MYH6: variants seen among roughly 807,000 people sequenced by gnomAD.
MYH6 encodes myosin heavy chain 6.
Under a neutral mutation model 223.2 loss-of-function variants are expected in MYH6, and 126 were observed. That is an observed-to-expected ratio of 0.56 (90% confidence interval 0.49 to 0.65). MYH6 has a LOEUF of 0.65. Ranked by LOEUF, MYH6 falls within the 30% of genes least tolerant of loss-of-function variation. The pLI is 0.00. For missense variants in MYH6, 2,040 were observed against 2,536.4 expected (o/e 0.80, Z 4.20); for synonymous variants, 978 against 1,010.2 (o/e 0.97, Z 0.61).
In MYH6 at chr14:23,389,018, C is replaced by T. The variant is rs766238876; in HGVS notation, c.4016G>A (p.Arg1339Gln). The change falls in exon 29 of 39, where the codon CGG (arginine) becomes CAG (glutamine). Residue 1339 changes from arginine (R) to glutamine (Q), a missense_variant. By Grantham distance (43) the Arg-to-Gln change is conservative. Around this residue, in one of 4 missense-constraint regions of MYH6, gnomAD observed 1,203 missense variants for 1,400.2 expected, o/e 0.86. Coordinates refer to ENST00000405093, the MANE Select transcript of MYH6 (RefSeq NM_002471.4). ...NALAHALQSA[R>Q]HDCDLLREQY... is the part of the protein sequence containing the mutation. ...CTCCCGCAGCAGGTCGCAGTCATGC[C>T]GGGCCGACTGCAGTGCATGGGCCAG... The T allele has an allele frequency of 4.1e-5, 62 of 1,506,516 alleles. No homozygotes were observed. Among genetic ancestry groups the T allele is most frequent in the African/African-American group, 1.9e-4 (14 of 73,906 alleles). The allele number at this position is 1,506,516 out of a possible 1,614,324, so 93.3% of individuals were successfully genotyped here.
At chr14:23,403,846 C>T (rs1054465587) in intron 8 of MYH6, 68 bp from the exon 9 acceptor site, 2 of 1,374,378 alleles carry the variant, frequency 1.5e-6, no homozygotes, top group Admixed American at 1.9e-5. Context: ...GCCCTCTGTT[C>T]AGCCCAGAAG....
intron 20 of MYH6, among the ~76,000 whole-genome samples, chr14:23,394,939 C>T (rs1182753280): frequency 6.6e-6 from 1 of 152,228 alleles, no homozygotes; most frequent in African/African-American, 2.4e-5. Flanking sequence ...AATCTCGGCT[C>T]ACTGCAACCT....
rs1891438869 is a variant in MYH6 at position 23,397,632 on chromosome 14, A to G, written c.1892-19T>C. ...CTGTCCCCTAAACAGCGAGAGGAGA[A>G]ATAATCAACAGGAGCTGGAAAATAA... On this transcript the variant is annotated intron_variant, in intron 15 of 38. Coordinates refer to ENST00000405093, the MANE Select transcript of MYH6 (RefSeq NM_002471.4). 4 of 1,613,224 alleles carry G rather than the reference A, an allele frequency of 2.5e-6. No homozygotes were observed. Among genetic ancestry groups the G allele is most frequent in the Non-Finnish European group, 3.4e-6 (4 of 1,179,194 alleles).
In MYH6 at chr14:23,390,191, C is replaced by G. The variant is rs372794975; in HGVS notation, c.3598G>C (p.Asp1200His). The G allele has an allele frequency of 4.2e-5, 67 of 1,606,244 alleles. No individual in the cohort carries two copies. In the African/African-American group the frequency reaches 8.7e-4, roughly 21 times the overall value. ...TGCTCGCCCAGCTCGGCCACGCTGT[C>G]GGCGTGCTTCTTGCGCAGGGCCGCG... ...TAAALRKKHADSVAELGEQID... is the reference protein window; with the variant it reads ...TAAALRKKHAHSVAELGEQID... The change falls in exon 26 of 39, where the codon GAC becomes CAC. Residue 1200 changes from aspartate (D) to histidine (H), a missense_variant. Transcript: ENST00000405093.
Position 23,388,886 on chromosome 14 carries a change from T to C in MYH6, c.4148A>G (p.Gln1383Arg). 1 of 1,613,812 alleles carries C rather than the reference T, an allele frequency of 6.2e-7. No homozygotes were observed. The highest frequency in any genetic ancestry group is 2.2e-5 in the East Asian group (1 of 44,878). ...WRTKYETDAI[Q>R]RTEELEEAKK... ...GGCCTCTTCGAGCTCCTCAGTCCGC[T>C]GAATGGCGTCCGTCTCATACTTGGT... Residue 1383 changes from glutamine to arginine, a missense_variant, in exon 29 of 39, where the codon CAG becomes CGG. By Grantham distance (43) the Gln-to-Arg change is conservative (BLOSUM62 1). Around this residue, in one of 4 missense-constraint regions of MYH6, gnomAD observed 1,203 missense variants for 1,400.2 expected, o/e 0.86. Coordinates refer to ENST00000405093, the MANE Select transcript of MYH6 (RefSeq NM_002471.4).
In MYH6 at chr14:23,400,846, T is replaced by A; in HGVS notation, c.1273A>T (p.Ile425Phe). 2 of 1,614,148 alleles carry A rather than the reference T, an allele frequency of 1.2e-6. No individual in the cohort carries two copies. Among genetic ancestry groups the A allele is most frequent in the Non-Finnish European group, 1.7e-6 (2 of 1,180,012 alleles). The change falls in exon 13 of 39, where the codon ATC becomes TTC. Residue 425 changes from isoleucine (I) to phenylalanine (F), a missense_variant. Physicochemically the swap from Ile to Phe is conservative, Grantham distance 21. Transcript: ENST00000405093. ...TACACTGCCTTGGCCAGAGCCCCGA[T>A]GGAGTAGTACACCTGCTGCACGCTC... Reference protein sequence around the residue: ...GQSVQQVYYSIGALAKAVYEK... With the variant: ...GQSVQQVYYSFGALAKAVYEK...
At position 23,387,904 on chromosome 14, in the gene MYH6, T is replaced by C; in HGVS notation, c.4379A>G (p.Gln1460Arg). ...NFDKILAEWK[Q>R]KYEESQSELE... ...CTCAGACTGCGACTCCTCATACTTC[T>C]GCTTCCACTCGGCCAGGATCTGCCC... The change falls in exon 31 of 39, where the codon CAG becomes CGG. Residue 1460 changes from glutamine (Q) to arginine (R), a missense_variant. This residue lies in a region of MYH6 where 1,203 missense variants were observed against 1,400.2 expected (regional missense o/e 0.86). Transcript: ENST00000405093. The C allele has an allele frequency of 6.2e-7, 1 of 1,613,952 alleles. No individual in the cohort carries two copies. The highest frequency in any genetic ancestry group is 2.2e-5 in the East Asian group (1 of 44,872).
At position 23,403,763 on chromosome 14, in the gene MYH6, T is replaced by C; in HGVS notation, c.751A>G (p.Ile251Val). The C allele has an allele frequency of 3.7e-6, 6 of 1,612,216 alleles. No individual in the cohort carries two copies. Among genetic ancestry groups the C allele is most frequent in the Non-Finnish European group, 1.7e-6 (2 of 1,179,190 alleles). ...NSSRFGKFIR[I>V]HFGATGKLAS... ...AGCTTTCCAGTGGCCCCAAAGTGGA[T>C]CCTAATGAATTTCCCCTGGGGACGA... Residue 251 changes from isoleucine to valine, a missense_variant, in exon 9 of 39, where the codon ATC becomes GTC. By Grantham distance (29) the Ile-to-Val change is conservative. Transcript: ENST00000405093.
rs372134945 is a variant in MYH6, at chr14:23,398,557, C to T, written c.1891+171G>A. 1.1e-3 allele frequency among the ~76,000 whole-genome samples: 173 copies of T among 152,314 alleles called. 2 individuals carry two copies. Among genetic ancestry groups the T allele is most frequent in the African/African-American group, 3.8e-3 (158 of 41,562 alleles). On this transcript the variant is annotated intron_variant, in intron 15 of 38. Transcript: ENST00000405093. ...AACACTCATAACACAAAGTGGAGAA[C>T]GGCAGGTGCTACAGAAGCCCAGCTG...
intron 25 of MYH6, among the ~76,000 whole-genome samples, chr14:23,391,391 A>T (rs559020240): frequency 6.6e-6 from 1 of 152,340 alleles, no homozygotes; most frequent in African/African-American, 2.4e-5. Flanking sequence ...CAGGACTGTT[A>T]TTCTGTGTCC....
chr14:23,385,132 AT>A (rs60237756), intron 34 of MYH6, 91 bp from the exon 35 acceptor site: 2,423 of 1,415,130 alleles, frequency 1.7e-3, no homozygotes, highest in East Asian at 2.8e-3. Flanking sequence ...AAAGGTGGTC[AT>A]TTTTTTTTTA....
intron 21 of MYH6, 30 bp downstream of exon 21, chr14:23,394,038 A>G (rs574632194): frequency 1.3e-5 from 21 of 1,613,872 alleles, no homozygotes; most frequent in Non-Finnish European, 1.7e-5. Context: ...AGGGGAGGAG[A>G]GGGCTGAAGA....
At chr14:23,399,965 A>G (rs1371625912) in intron 14 of MYH6, 2 of 472,518 alleles carry the variant, frequency 4.2e-6, no homozygotes, top group South Asian at 2.2e-5. Flanking sequence ...CTTTCCATGA[A>G]TGACGCTTCT....
intron 33 of MYH6, 42 bp downstream of exon 33, chr14:23,386,273 A>G (rs937809959): frequency 2.5e-6 from 4 of 1,613,750 alleles, no homozygotes; most frequent in African/African-American, 2.7e-5. Context: ...TCCAGGCCAC[A>G]TGGAGGCCAG....
rs2138615086 is a variant in MYH6, at chr14:23,402,505, T to A, written c.1100A>T (p.Gln367Leu). The A allele has an allele frequency of 2.5e-6, 4 of 1,613,736 alleles. No homozygotes were observed. Among genetic ancestry groups the A allele is most frequent in the Non-Finnish European group, 3.4e-6 (4 of 1,179,956 alleles). The change falls in exon 12 of 39, where the codon CAG (glutamine) becomes CTG (leucine). Residue 367 changes from glutamine to leucine, a missense_variant. Gln to Leu is a moderately radical substitution (Grantham distance 113). Coordinates refer to ENST00000405093, the MANE Select transcript of MYH6 (RefSeq NM_002471.4). Reference protein sequence around the residue: ...IMHYGNMKFKQKQREEQAEPD... With the variant: ...IMHYGNMKFKLKQREEQAEPD... Reference sequence around the variant, plus strand: ...CTCCGCCTGCTCCTCCCGCTGCTTCTGCTTGAACTTCATGTTCCCGTAGTG... The same window carrying A: ...CTCCGCCTGCTCCTCCCGCTGCTTCAGCTTGAACTTCATGTTCCCGTAGTG...
chr14:23,389,263 G>C, intron 28 of MYH6, 130 bp downstream of exon 28: 1 of 1,217,880 alleles, frequency 8.2e-7, no homozygotes, highest in Non-Finnish European at 1.2e-6. Context: ...TTAGCTGCAG[G>C]GCAGAACCTA....
rs568565181 is a variant in MYH6, at chr14:23,383,436, T to C, written c.5566-116A>G. The C allele has an allele frequency of 2.2e-4, 181 of 825,928 alleles. No individual in the cohort carries two copies. In the South Asian group the frequency reaches 2.7e-3, roughly 12 times the overall value. The allele number at this position is 825,928 out of a possible 1,614,324, so 51.2% of individuals were successfully genotyped here. A position where few individuals can be genotyped will look rare whatever the true frequency, so the allele number is the denominator to read the frequency against. On this transcript the variant is annotated intron_variant, in intron 36 of 38. Transcript: ENST00000405093. ...CCTTTGCTGCCCCTCCCTGCAATGA[T>C]CCAGGTCAAAGAGGTGGTGGGGAAG...
In MYH6 at chr14:23,392,919, G is replaced by A; in HGVS notation, c.3244C>T (p.Leu1082Phe). 1 of 1,613,842 alleles carries A rather than the reference G, an allele frequency of 6.2e-7. No homozygotes were observed. The highest frequency in any genetic ancestry group is 8.5e-7 in the Non-Finnish European group (1 of 1,180,044). Residue 1082 changes from leucine (L) to phenylalanine (F), a missense_variant, in exon 24 of 39, where the codon CTT (leucine) becomes TTT (phenylalanine). This residue lies in a region of MYH6 where 1,203 missense variants were observed against 1,400.2 expected (regional missense o/e 0.86). Coordinates refer to ENST00000405093, the MANE Select transcript of MYH6 (RefSeq NM_002471.4). ...GCCACCACAGTCTCCTACTTCTTAAGCTTTTCTTCCAGCTGCAGTTTATCA... is the reference window on the plus strand; with the variant it reads ...GCCACCACAGTCTCCTACTTCTTAAACTTTTCTTCCAGCTGCAGTTTATCA... ...ENDKLQLEEK[L>F]KKKEFDINQQ... is the part of the protein sequence containing the mutation.
chr14:23,386,370 T>C lies in MYH6; in HGVS notation c.4904A>G (p.Asn1635Ser), dbSNP rs1595049456. ...NEMEIQLSHA[N>S]RMAAEAQKQV... Reference sequence around the variant, plus strand: ...CTTCTGGGCCTCGGCAGCCATGCGGTTGGCGTGGCTGAGCTGGATCTCCAT... The same window carrying C: ...CTTCTGGGCCTCGGCAGCCATGCGGCTGGCGTGGCTGAGCTGGATCTCCAT... Residue 1635 changes from asparagine (N) to serine (S), a missense_variant, in exon 33 of 39, where the codon AAC becomes AGC. Physicochemically the swap from Asn to Ser is conservative, Grantham distance 46. Coordinates refer to ENST00000405093, the MANE Select transcript of MYH6 (RefSeq NM_002471.4). The C allele has an allele frequency of 1.2e-6, 2 of 1,614,036 alleles. No homozygotes were observed. Among genetic ancestry groups the C allele is most frequent in the South Asian group, 2.2e-5 (2 of 91,074 alleles).
Sources: allele counts gnomAD v4.1 joint callset (sites outside exome capture counted in the v4.1 genomes callset), GRCh38; gene constraint gnomAD v4.1.1; regional missense constraint gnomAD v4.1.1; transcripts MANE v1.5; gene names NCBI Gene and HGNC (gene_info 2026-07-23, HGNC 2026-07-21).